The following TENM3 variants were observed in gnomAD, a reference collection of about 807,000 sequenced individuals.
TENM3 encodes teneurin transmembrane protein 3, also known as teneurin-3.
A neutral mutation model predicts 255.1 loss-of-function variants in TENM3; 63 were observed. The ratio of observed to expected loss-of-function variants is 0.25; its 90% confidence interval spans 0.20 to 0.30. TENM3 has a LOEUF of 0.30. Ranked by LOEUF, TENM3 falls within the 10% of genes least tolerant of loss-of-function variation. The pLI is 1.00. For synonymous variants in TENM3, 1,306 were observed against 1,322.3 expected (o/e 0.99, Z 0.27); for missense variants, 2,929 against 3,461.1 (o/e 0.85, Z 3.86).
chr4:182,440,459 C>G (rs999392724), intron 3 of TENM3, among the ~76,000 whole-genome samples: 1 of 152,088 alleles, frequency 6.6e-6, no homozygotes, highest in Non-Finnish European at 1.5e-5. Flanking sequence ...GCTCACTTCA[C>G]TCCATTTCGT....
intron 3 of TENM3, among the ~76,000 whole-genome samples, chr4:182,508,555 A>G (rs968120725): frequency 1.1e-4 from 17 of 152,240 alleles, no homozygotes; most frequent in Middle Eastern, 3.2e-3. Flanking sequence ...ATATACTCTT[A>G]GATATCACAT....
intron 3 of TENM3, among the ~76,000 whole-genome samples, chr4:182,533,905 T>C (rs1477414821): frequency 2.0e-5 from 3 of 150,842 alleles, no homozygotes; most frequent in African/African-American, 7.4e-5. Context: ...CAAGACTCCA[T>C]CTCCAAAAAA....
chr4:181,912,934 G>A, the TENM3 span, among the ~76,000 whole-genome samples: 2 of 152,254 alleles, frequency 1.3e-5, no homozygotes, highest in African/African-American at 4.8e-5. Context: ...TGAAGTCAAT[G>A]AGCTGGCAGG....
At chr4:181,630,327 T>G in the TENM3 span, among the ~76,000 whole-genome samples, 1 of 152,158 alleles carries the variant, frequency 6.6e-6, no homozygotes, top group Admixed American at 6.5e-5. Flanking sequence ...TTTTTTTGTG[T>G]CTCTATCTCC....
chr4:182,266,567 TA>T (rs1381234180), intron 1 of TENM3, among the ~76,000 whole-genome samples: 4 of 152,168 alleles, frequency 2.6e-5, no homozygotes, highest in African/African-American at 9.6e-5. Flanking sequence ...ACCTTATGGT[TA>T]AACATTACAA....
the TENM3 span, among the ~76,000 whole-genome samples, chr4:182,067,740 C>T: frequency 6.6e-6 from 1 of 152,186 alleles, no homozygotes; most frequent in Non-Finnish European, 1.5e-5. Flanking sequence ...CTCCCTTGCT[C>T]TGCTCAGGGA....
the TENM3 span, among the ~76,000 whole-genome samples, chr4:181,735,359 A>G: frequency 1.3e-5 from 2 of 152,202 alleles, no homozygotes; most frequent in Non-Finnish European, 2.9e-5. Flanking sequence ...CCTAATGCCC[A>G]TACAATTTGA....
the TENM3 span, among the ~76,000 whole-genome samples, chr4:181,980,615 G>T: frequency 6.6e-6 from 1 of 152,028 alleles, no homozygotes; most frequent in Admixed American, 6.6e-5. Context: ...TCTATTTTTA[G>T]TCTCACCCTG....
intron 1 of TENM3, among the ~76,000 whole-genome samples, chr4:182,175,668 C>T (rs972896443): frequency 1.3e-5 from 2 of 152,148 alleles, no homozygotes; most frequent in African/African-American, 4.8e-5. Context: ...AATGATGTGT[C>T]TATTGAAGTT....
intron 4 of TENM3, among the ~76,000 whole-genome samples, chr4:182,620,938 G>C (rs567689883): frequency 5.3e-5 from 8 of 152,170 alleles, no homozygotes; most frequent in Non-Finnish European, 1.0e-4. Context: ...CCAGCACTTT[G>C]GGAGGCCAAG....
chr4:182,437,381 G>T (rs1213093943), intron 3 of TENM3, among the ~76,000 whole-genome samples: 2 of 152,172 alleles, frequency 1.3e-5, no homozygotes, highest in African/African-American at 4.8e-5. Context: ...AGCCATCGTT[G>T]CTCACTCCTG....
chr4:181,551,838 ATGTGTGTGTGTGTGTGTG>A, the TENM3 span, among the ~76,000 whole-genome samples: 4,909 of 138,930 alleles, frequency 0.035, 119 homozygotes, highest in African/African-American at 0.046. Flanking sequence ...ATATATGTAT[ATGTGTGTGTGTGTGTGTG>A]TGTGTGTGTG....
chr4:182,452,053 C>A (rs1156450349), intron 3 of TENM3, among the ~76,000 whole-genome samples: 1 of 152,134 alleles, frequency 6.6e-6, no homozygotes, highest in African/African-American at 2.4e-5. Context: ...TATATTAATG[C>A]TTTATTATGG....
the TENM3 span, among the ~76,000 whole-genome samples, chr4:181,593,025 C>T: frequency 2.6e-5 from 4 of 152,250 alleles, no homozygotes; most frequent in East Asian, 5.8e-4. Context: ...AGTTTGATTT[C>T]GGTTTGCTTC....
At chr4:181,862,429 C>T in the TENM3 span, among the ~76,000 whole-genome samples, 1 of 152,006 alleles carries the variant, frequency 6.6e-6, no homozygotes, top group Admixed American at 6.6e-5. Context: ...TTCAATTTCC[C>T]TTTCCATCTC....
At chr4:182,057,513 C>T in the TENM3 span, among the ~76,000 whole-genome samples, 15 of 150,570 alleles carry the variant, frequency 1.0e-4, no homozygotes, top group East Asian at 2.6e-3. Context: ...TGGGCTCAAG[C>T]GATCCTCCTG....
chr4:181,708,590 T>G, the TENM3 span, among the ~76,000 whole-genome samples: 1 of 151,450 alleles, frequency 6.6e-6, no homozygotes, highest in Non-Finnish European at 1.5e-5. Flanking sequence ...TTTTTTTTAG[T>G]CCTAAAACCA....
the TENM3 span, among the ~76,000 whole-genome samples, chr4:181,687,905 C>G: frequency 1.3e-5 from 2 of 152,126 alleles, no homozygotes; most frequent in Non-Finnish European, 2.9e-5. Context: ...TGAACAAAGT[C>G]TTTTGATCTG....
At chr4:181,829,510 C>T in the TENM3 span, among the ~76,000 whole-genome samples, 1 of 152,094 alleles carries the variant, frequency 6.6e-6, no homozygotes, top group Non-Finnish European at 1.5e-5. Flanking sequence ...TGTAGTCAAT[C>T]GGCCTAAAGT....
Sources: gnomAD v4.1 joint callset for allele counts (sites outside exome capture counted in the v4.1 genomes callset) on GRCh38, gnomAD v4.1.1 for gene constraint, MANE v1.5 for transcripts, NCBI Gene and HGNC (gene_info 2026-07-23, HGNC 2026-07-21) for gene names.